Variants in PPFIBP2 observed in about 807,000 individuals in gnomAD.
PPFIBP2 encodes liprin-beta-2.
Under a neutral mutation model 118.3 loss-of-function variants are expected in PPFIBP2, and 118 were observed. The ratio of observed to expected loss-of-function variants is 1.00; its 90% CI spans 0.86 to 1.16. The LOEUF (loss-of-function observed/expected upper bound fraction) is 1.16. PPFIBP2 is among the 50% of genes most tolerant of loss of function. The pLI, the probability that PPFIBP2 is intolerant of heterozygous loss-of-function variation, is 0.00. For synonymous variants in PPFIBP2, 414 were observed against 397.4 expected (o/e 1.04, Z -0.50); for missense variants, 1,195 against 1,073.1 (o/e 1.11, Z -1.59).
At chr11:7,654,809 C>T (rs1854533559), downstream of PPFIBP2, among the ~76,000 whole-genome samples, 4 of 152,236 alleles carry the variant, frequency 2.6e-5, no homozygotes, top group African/African-American at 9.6e-5. Context: ...TCTCTGCACC[C>T]TCAAGTAAGT....
chr11:7,519,302 G>A (rs965168255), intron 1 of PPFIBP2, among the ~76,000 whole-genome samples: 3 of 152,172 alleles, frequency 2.0e-5, no homozygotes, highest in African/African-American at 4.8e-5. Flanking sequence ...GGAGAAAGGC[G>A]ATCAGGGCTG....
intron 1 of PPFIBP2, among the ~76,000 whole-genome samples, chr11:7,543,768 A>G (rs892598614): frequency 2.6e-5 from 4 of 152,350 alleles, no homozygotes; most frequent in African/African-American, 9.6e-5. Context: ...GCCAAACATG[A>G]AAGGAGTTAA....
At chr11:7,666,816 G>A in the PPFIBP2 span, 1 of 316,338 alleles carries the variant, frequency 3.2e-6, no homozygotes, top group Non-Finnish European at 6.0e-6. Context: ...CCAACTAGAA[G>A]GACCTTAGCC....
At chr11:7,645,051 AAAAAAAAAG>A (rs1852841009) in intron 17 of PPFIBP2, among the ~76,000 whole-genome samples, 2 of 147,210 alleles carry the variant, frequency 1.4e-5, no homozygotes, top group Non-Finnish European at 3.0e-5. Context: ...AAAAAAAAAA[AAAAAAAAAG>A]GTATTTTAAA....
At chr11:7,528,653 A>G (rs1451118641) in intron 1 of PPFIBP2, among the ~76,000 whole-genome samples, 1 of 152,192 alleles carries the variant, frequency 6.6e-6, no homozygotes, top group Admixed American at 6.5e-5. Flanking sequence ...GTGGGGCTGT[A>G]GGGGTTGAGA....
Position 7,574,937 on chromosome 11 carries a change from G to T in PPFIBP2, c.279+9170G>T, listed in dbSNP as rs116955834. 6.7e-3 allele frequency among the ~76,000 whole-genome samples: 1,019 copies of T among 152,302 alleles called. 14 individuals carry two copies. The highest frequency in any genetic ancestry group is 0.01 in the Admixed American group (158 of 15,296). On this transcript the variant is annotated intron_variant, in intron 3 of 23. Coordinates refer to ENST00000299492, the MANE Select transcript of PPFIBP2 (RefSeq NM_003621.5). ...CTTGAGAATGCCATAAAAATGTCAA[G>T]AATTTAGCTGCAGTTTATCTGGATT... is the stretch of plus-strand genomic sequence containing the variant.
At chr11:7,665,605 A>T in the PPFIBP2 span, 2 of 1,519,682 alleles carry the variant, frequency 1.3e-6, no homozygotes, top group South Asian at 2.6e-5. Flanking sequence ...TCCTGATCCC[A>T]GGCCGCCTGC....
chr11:7,635,596 A>G lies in PPFIBP2; in HGVS notation c.1236+3A>G, dbSNP rs1283329142. 1 of 1,605,864 alleles carries G rather than the reference A, an allele frequency of 6.2e-7. No individual in the cohort carries two copies. Reference sequence around the variant, plus strand: ...CCTTCCCGGTGTTAGAACCCAAGGTACATTGACTTCGTGCCCCGTCGTCTA... The same window carrying G: ...CCTTCCCGGTGTTAGAACCCAAGGTGCATTGACTTCGTGCCCCGTCGTCTA... On this transcript the variant is annotated splice_donor_region_variant and intron_variant, in intron 14 of 23. Coordinates refer to ENST00000299492, the MANE Select transcript of PPFIBP2 (RefSeq NM_003621.5).
At chr11:7,655,430 C>T, downstream of PPFIBP2, 1 of 1,289,772 alleles carries the variant, frequency 7.8e-7, no homozygotes, top group Non-Finnish European at 1.0e-6. Context: ...GCCCATTTTA[C>T]AGATGGCACC....
chr11:7,664,512 C>T, the PPFIBP2 span, among the ~76,000 whole-genome samples: 2 of 152,190 alleles, frequency 1.3e-5, no homozygotes, highest in African/African-American at 4.8e-5. Context: ...AGGGTAGATG[C>T]ACCCCTTCTG....
At chr11:7,648,320 G>T in intron 17 of PPFIBP2, 67 bp from the exon 18 acceptor site, 1 of 1,494,906 alleles carries the variant, frequency 6.7e-7, no homozygotes, top group Non-Finnish European at 9.1e-7. Flanking sequence ...TTGTTTGTGA[G>T]ACATGATTAG....
At chr11:7,565,453 C>A in intron 2 of PPFIBP2, 100 bp from the exon 3 acceptor site, 1 of 1,236,190 alleles carries the variant, frequency 8.1e-7, no homozygotes, top group African/African-American at 1.5e-5. Context: ...AGCTTCTTAT[C>A]TGTCCCTTTC....
chr11:7,554,510 T>C (rs1240116930), intron 2 of PPFIBP2, among the ~76,000 whole-genome samples: 1 of 152,188 alleles, frequency 6.6e-6, no homozygotes, highest in Non-Finnish European at 1.5e-5. Context: ...TCCTCCTGCA[T>C]CAACTAAAAC....
intron 4 of PPFIBP2, 110 bp downstream of exon 4, chr11:7,593,334 C>A: frequency 7.0e-7 from 1 of 1,429,446 alleles, no homozygotes; most frequent in Non-Finnish European, 9.3e-7. Flanking sequence ...TTTTCTCCTT[C>A]CAATGCCTAT....
chr11:7,664,503 G>C, the PPFIBP2 span, among the ~76,000 whole-genome samples: 3 of 152,158 alleles, frequency 2.0e-5, no homozygotes, highest in Non-Finnish European at 4.4e-5. Flanking sequence ...TGCTAATAGA[G>C]GGTAGATGCA....
chr11:7,587,388 A>G (rs1469930206), intron 3 of PPFIBP2, among the ~76,000 whole-genome samples: 1 of 152,254 alleles, frequency 6.6e-6, no homozygotes, highest in East Asian at 1.9e-4. Context: ...ATTCAGAACT[A>G]TATCCAAATA....
At chr11:7,581,346 G>A (rs1265835992) in intron 3 of PPFIBP2, among the ~76,000 whole-genome samples, 1 of 152,224 alleles carries the variant, frequency 6.6e-6, no homozygotes, top group Non-Finnish European at 1.5e-5. Context: ...AGAAATCCCA[G>A]ACTGTCAGCA....
intron 11 of PPFIBP2, chr11:7,632,661 G>A (rs770450497): frequency 4.3e-5 from 22 of 506,026 alleles, no homozygotes; most frequent in African/African-American, 4.3e-4. Flanking sequence ...CCAGGAAGGA[G>A]AGGCAAGCTG....
At chr11:7,605,854 A>G in intron 5 of PPFIBP2, 1 of 1,437,714 alleles carries the variant, frequency 7.0e-7, no homozygotes, top group Non-Finnish European at 9.0e-7. Context: ...TTCTGGATAC[A>G]CGTGAGATCC....
Sources: gnomAD v4.1 joint callset for allele counts (sites outside exome capture counted in the v4.1 genomes callset) on GRCh38, gnomAD v4.1.1 for gene constraint, MANE v1.5 for transcripts, NCBI Gene and HGNC (gene_info 2026-07-23, HGNC 2026-07-21) for gene names.